The following CNTRL variants were observed in gnomAD, a reference collection of about 807,000 sequenced individuals.
The protein encoded by CNTRL is centriolin.
Under a neutral mutation model 303.7 loss-of-function variants are expected in CNTRL, and 233 were observed. The ratio of observed to expected loss-of-function variants is 0.77; its 90% confidence interval spans 0.69 to 0.86. The LOEUF (loss-of-function observed/expected upper bound fraction) is 0.86. Among genes scored for constraint, CNTRL ranks in the 40% least tolerant of loss-of-function variants. The pLI is 0.00. For missense variants in CNTRL, 2,524 were observed against 2,650.6 expected (o/e 0.95, Z 1.05); for synonymous variants, 900 against 922.2 (o/e 0.98, Z 0.44).
chr9:121,169,042 A>G (rs1311762772), intron 38 of CNTRL, among the ~76,000 whole-genome samples: 1 of 152,248 alleles, frequency 6.6e-6, no homozygotes, highest in Non-Finnish European at 1.5e-5. Context: ...CTCTAGGGTG[A>G]TAAGAAAAAT....
At chr9:121,092,812 T>TCTATATAGATATGTA (rs2048717674) in intron 4 of CNTRL, among the ~76,000 whole-genome samples, 1 of 31,086 alleles carries the variant, frequency 3.2e-5, no homozygotes, top group Non-Finnish European at 5.4e-5. Flanking sequence ...TCTATATATA[T>TCTATATAGATATGTA]ATATATTTTT....
intron 43 of CNTRL, among the ~76,000 whole-genome samples, chr9:121,176,693 G>A (rs563012856): frequency 6.6e-6 from 1 of 152,198 alleles, no homozygotes; most frequent in Admixed American, 6.5e-5. Context: ...GAATTATTTA[G>A]AAGTCTGGGG....
chr9:121,148,953 T>C, intron 24 of CNTRL, 92 bp downstream of exon 24: 3 of 1,168,212 alleles, frequency 2.6e-6, no homozygotes, highest in Non-Finnish European at 3.6e-6. Context: ...CAATCCAGAC[T>C]CCTTAGCTAG....
At chr9:121,159,263 C>T (rs901024529) in intron 31 of CNTRL, among the ~76,000 whole-genome samples, 2 of 152,132 alleles carry the variant, frequency 1.3e-5, no homozygotes, top group African/African-American at 4.8e-5. Context: ...CATTTCTTCT[C>T]CAGGAATTCC....
chr9:121,078,243 C>G (rs2048005048), intron 1 of CNTRL, among the ~76,000 whole-genome samples: 1 of 151,956 alleles, frequency 6.6e-6, no homozygotes, highest in African/African-American at 2.4e-5. Context: ...CTCATCTCTA[C>G]TAAAAATAAA....
rs546133951 is a variant in CNTRL, at chr9:121,113,752, A to T, written c.1345+28A>T. The stretch of plus-strand genomic sequence containing the variant: ...TAAAAAAAGTTATTTTAAATTCTTT[A>T]AAAAAAAATATGAAAACATTGAATA... On this transcript the variant is annotated intron_variant, in intron 10 of 43. Coordinates refer to ENST00000373855, the MANE Select transcript of CNTRL (RefSeq NM_007018.6). The T allele has an allele frequency of 3.5e-5, 34 of 967,594 alleles. No homozygotes were observed. In the East Asian group the frequency reaches 3.6e-4, roughly 10 times the overall value. The allele number at this position is 967,594 out of a possible 1,614,324, so 59.9% of individuals were successfully genotyped here.
intron 7 of CNTRL, among the ~76,000 whole-genome samples, chr9:121,100,950 C>CAAT (rs550954172): frequency 3.0e-4 from 45 of 152,256 alleles, no homozygotes; most frequent in Admixed American, 6.5e-4. Flanking sequence ...GACTCCCACA[C>CAAT]AATAATAATG....
intron 7 of CNTRL, among the ~76,000 whole-genome samples, chr9:121,100,473 A>G (rs907658817): frequency 2.6e-5 from 4 of 152,352 alleles, no homozygotes; most frequent in East Asian, 3.9e-4. Flanking sequence ...TGTAAAGACC[A>G]TCAATGCAAG....
intron 1 of CNTRL, among the ~76,000 whole-genome samples, chr9:121,077,903 G>T (rs905524684): frequency 1.3e-5 from 2 of 152,168 alleles, no homozygotes; most frequent in African/African-American, 2.4e-5. Context: ...CCATGAGCAT[G>T]CCACTACACT....
chr9:121,158,698 T>C, intron 30 of CNTRL, 157 bp from the exon 31 acceptor site: 1 of 663,090 alleles, frequency 1.5e-6, no homozygotes, highest in East Asian at 2.5e-5. Flanking sequence ...AGGTTTTCAT[T>C]AGGCATTTCA....
intron 14 of CNTRL, among the ~76,000 whole-genome samples, chr9:121,126,137 C>G (rs1488874567): frequency 6.6e-6 from 1 of 151,128 alleles, no homozygotes; most frequent in Non-Finnish European, 1.5e-5. Context: ...TTTCTTTGCT[C>G]AGAAAAGGAA....
intron 3 of CNTRL, among the ~76,000 whole-genome samples, chr9:121,089,559 T>A (rs911270339): frequency 6.6e-6 from 1 of 152,162 alleles, no homozygotes; most frequent in African/African-American, 2.4e-5. Flanking sequence ...TATGTTGTGA[T>A]TTTCTCTATT....
intron 1 of CNTRL, among the ~76,000 whole-genome samples, 200 bp downstream of exon 1, chr9:121,075,267 G>A (rs1185864044): frequency 6.6e-6 from 1 of 152,232 alleles, no homozygotes. Context: ...GTGGATGAAG[G>A]AGGGAGGTTT....
At chr9:121,075,356 G>A (rs1169597387) in intron 1 of CNTRL, among the ~76,000 whole-genome samples, 1 of 152,190 alleles carries the variant, frequency 6.6e-6, no homozygotes, top group Non-Finnish European at 1.5e-5. Flanking sequence ...GTTAGGGTGC[G>A]GCGCCCAGAA....
chr9:121,176,559 G>A (rs2053532087), intron 43 of CNTRL, among the ~76,000 whole-genome samples: 2 of 152,196 alleles, frequency 1.3e-5, no homozygotes, highest in Non-Finnish European at 2.9e-5. Flanking sequence ...CCAGAGTAGT[G>A]AGAGAAGAGT....
chr9:121,106,069 C>T (rs1245941503), intron 7 of CNTRL, among the ~76,000 whole-genome samples: 2 of 151,938 alleles, frequency 1.3e-5, no homozygotes, highest in African/African-American at 2.4e-5. Flanking sequence ...CCGGGTGTAG[C>T]TGTTCACACC....
chr9:121,177,276 CA>C lies in CNTRL; in HGVS notation c.*92del. Reference sequence around the variant, plus strand: ...TGGAATGTCACATGGTTTTTTTAATCAAGATGCAGTGAACTGAGATTCTGAA... The same window carrying C: ...TGGAATGTCACATGGTTTTTTTAATCAGATGCAGTGAACTGAGATTCTGAA... On this transcript the variant is annotated 3_prime_UTR_variant, in exon 44 of 44. Coordinates refer to ENST00000373855, the MANE Select transcript of CNTRL (RefSeq NM_007018.6). The C allele has an allele frequency of 9.0e-7, 1 of 1,106,152 alleles. No individual in the cohort carries two copies. The highest frequency in any genetic ancestry group is 1.4e-6 in the Non-Finnish European group (1 of 734,444). The allele number at this position is 1,106,152 out of a possible 1,614,324, so 68.5% of individuals were successfully genotyped here. A position where few individuals can be genotyped will look rare whatever the true frequency, so the allele number is the denominator to read the frequency against.
intron 12 of CNTRL, among the ~76,000 whole-genome samples, chr9:121,123,375 T>G (rs2050339056): frequency 6.6e-6 from 1 of 151,722 alleles, no homozygotes; most frequent in Non-Finnish European, 1.5e-5. Context: ...AGGTCAGGAG[T>G]TCCAGATCAG....
At chr9:121,127,384 T>C (rs1223455867) in intron 14 of CNTRL, among the ~76,000 whole-genome samples, 1 of 152,192 alleles carries the variant, frequency 6.6e-6, no homozygotes. Flanking sequence ...TTAAGTTCAG[T>C]AGATATTGTC....
Sources: allele counts gnomAD v4.1 joint callset (sites outside exome capture counted in the v4.1 genomes callset), GRCh38; gene constraint gnomAD v4.1.1; transcripts MANE v1.5; gene names NCBI Gene and HGNC (gene_info 2026-07-23, HGNC 2026-07-21).